The following PRR16 variants were observed in gnomAD, a reference collection of about 807,000 sequenced individuals.
The protein encoded by PRR16 is protein Largen.
A neutral mutation model predicts 18.2 loss-of-function variants in PRR16; 6 were observed. That is an observed-to-expected ratio of 0.33 (90% CI 0.18 to 0.65). The LOEUF is 0.65. PRR16 is among the 30% of genes least tolerant of loss of function. The pLI is 0.74. For synonymous variants in PRR16, 151 were observed against 147.8 expected (o/e 1.02, Z -0.16); for missense variants, 412 against 376.6 (o/e 1.09, Z -0.78).
chr5:120,628,706 C>G (rs1413628172), intron 1 of PRR16, among the ~76,000 whole-genome samples: 5 of 106,404 alleles, frequency 4.7e-5, no homozygotes, highest in African/African-American at 1.9e-4. Context: ...ATCTATCTAT[C>G]TATCTATCTA....
At chr5:120,776,366 C>T in the PRR16 span, among the ~76,000 whole-genome samples, 1 of 152,160 alleles carries the variant, frequency 6.6e-6, no homozygotes, top group East Asian at 1.9e-4. Context: ...CAGTTCAGGC[C>T]ACAAATGTAC....
the PRR16 span, among the ~76,000 whole-genome samples, chr5:120,777,409 A>G: frequency 3.3e-5 from 5 of 152,042 alleles, no homozygotes; most frequent in Non-Finnish European, 7.4e-5. Flanking sequence ...CTTAAAACAT[A>G]ATTATTTTCG....
chr5:120,589,577 C>T (rs1013753172), intron 1 of PRR16, among the ~76,000 whole-genome samples: 33 of 152,150 alleles, frequency 2.2e-4, no homozygotes, highest in Middle Eastern at 3.4e-3. Context: ...ACTTACAGTT[C>T]CAAATGGCTG....
intron 1 of PRR16, among the ~76,000 whole-genome samples, chr5:120,588,388 G>C (rs1753522633): frequency 6.6e-6 from 1 of 152,064 alleles, no homozygotes; most frequent in Non-Finnish European, 1.5e-5. Context: ...CCATTCACGT[G>C]GCAAATTTTA....
chr5:120,485,463 A>C (rs1036667668), intron 1 of PRR16, among the ~76,000 whole-genome samples: 6 of 152,208 alleles, frequency 3.9e-5, no homozygotes, highest in Non-Finnish European at 8.8e-5. Context: ...TTAAGCAGAC[A>C]TTGACGTGAT....
the PRR16 span, chr5:120,781,338 G>T: frequency 2.0e-5 from 3 of 152,140 alleles, no homozygotes; most frequent in Non-Finnish European, 4.4e-5. Context: ...AAGAAAAGAA[G>T]ACCAGAAGAA....
chr5:120,472,453 C>T (rs766081058), intron 1 of PRR16, among the ~76,000 whole-genome samples: 1 of 151,962 alleles, frequency 6.6e-6, no homozygotes. Flanking sequence ...TATCACAAAC[C>T]CCTTTGAAAA....
chr5:120,707,441 G>A, the PRR16 span, among the ~76,000 whole-genome samples: 77,723 of 152,048 alleles, frequency 0.51, 20,474 homozygotes, highest in Middle Eastern at 0.58. Context: ...TACTTTTGGA[G>A]AAACAAAGTT....
At chr5:120,523,673 T>A (rs1413482240) in intron 1 of PRR16, among the ~76,000 whole-genome samples, 2 of 152,294 alleles carry the variant, frequency 1.3e-5, no homozygotes, top group East Asian at 3.9e-4. Flanking sequence ...TTACTACCTA[T>A]AGTCAGTGAC....
the PRR16 span, among the ~76,000 whole-genome samples, chr5:120,759,605 A>G: frequency 6.6e-6 from 1 of 152,168 alleles, no homozygotes; most frequent in Non-Finnish European, 1.5e-5. Context: ...GTAATGGTGG[A>G]CTTGTAACAT....
At position 120,481,386 on chromosome 5, in the gene PRR16, CTCCCAAAGTGCT is replaced by C. The variant is rs58701074; in HGVS notation, c.159+16742_159+16753del. On this transcript the variant is annotated intron_variant, in intron 1 of 1. Coordinates refer to ENST00000407149, the MANE Select transcript of PRR16 (RefSeq NM_001300783.2). ...GCTCAGGTGATCTGTCTGCCTTAGC[CTCCCAAAGTGCT>C]GGTGTTACAGGCGTGAGCCACCACG... The C allele has an allele frequency of 9.9e-3, 2,993 of 302,344 alleles. 96 individuals are homozygous for C. The highest frequency in any genetic ancestry group is 0.062 in the African/African-American group (2,759 of 44,200). The allele number at this position is 302,344 out of a possible 1,614,324, so 18.7% of individuals were successfully genotyped here.
intron 1 of PRR16, among the ~76,000 whole-genome samples, chr5:120,492,064 C>T (rs369452872): frequency 6.7e-6 from 1 of 150,248 alleles, no homozygotes; most frequent in Admixed American, 6.6e-5. Flanking sequence ...CTTTGTTCAC[C>T]TTTACTGTTT....
chr5:120,787,121 ATTTT>A, the PRR16 span, among the ~76,000 whole-genome samples: 3 of 152,090 alleles, frequency 2.0e-5, no homozygotes, highest in Non-Finnish European at 2.9e-5. Context: ...TTGATCATTT[ATTTT>A]TTATTATTTC....
At chr5:120,755,185 T>G in the PRR16 span, among the ~76,000 whole-genome samples, 1 of 151,584 alleles carries the variant, frequency 6.6e-6, no homozygotes, top group African/African-American at 2.4e-5. Context: ...AAACTTAGAG[T>G]ATAATAATAA....
chr5:120,503,362 T>C (rs997817074), intron 1 of PRR16, among the ~76,000 whole-genome samples: 4 of 152,192 alleles, frequency 2.6e-5, no homozygotes, highest in African/African-American at 9.6e-5. Context: ...GTGCCCTAAT[T>C]TTCCATGTTT....
rs143251102 is a variant in PRR16 at position 120,655,532 on chromosome 5, T to C, written c.160-30422T>C. The stretch of plus-strand genomic sequence containing the variant: ...GAGAGGAAGTGTTAGAAGTAGTAGT[T>C]TGACAATATCTGATAACCAAATTTA... On this transcript the variant is annotated intron_variant, in intron 1 of 1. Transcript: ENST00000407149. Among the ~76,000 whole-genome samples, 766 of 151,966 alleles carry C rather than the reference T, an allele frequency of 5.0e-3. 22 individuals are homozygous for C. Among genetic ancestry groups the C allele is most frequent in the Admixed American group, 0.045 (685 of 15,214 alleles).
At chr5:120,577,905 G>GT (rs1395624257) in intron 1 of PRR16, among the ~76,000 whole-genome samples, 4 of 152,172 alleles carry the variant, frequency 2.6e-5, no homozygotes, top group African/African-American at 4.8e-5. Context: ...AGTTCACACT[G>GT]ATAGAAAGTG....
intron 1 of PRR16, among the ~76,000 whole-genome samples, chr5:120,674,034 A>T (rs759879538): frequency 6.6e-6 from 1 of 151,712 alleles, no homozygotes; most frequent in Non-Finnish European, 1.5e-5. Flanking sequence ...TTTTTTATCA[A>T]TGCTGTAAAT....
the PRR16 span, among the ~76,000 whole-genome samples, chr5:120,758,998 C>T: frequency 1.9e-4 from 18 of 94,018 alleles, no homozygotes; most frequent in East Asian, 7.1e-4. Context: ...TTTTTTGAGA[C>T]GGAGTCTTGC....
Sources: allele counts gnomAD v4.1 joint callset (sites outside exome capture counted in the v4.1 genomes callset), GRCh38; gene constraint gnomAD v4.1.1; transcripts MANE v1.5; gene names NCBI Gene and HGNC (gene_info 2026-07-23, HGNC 2026-07-21).